The following WDR11 variants were observed in gnomAD, a reference collection of about 807,000 sequenced individuals.
WDR11 encodes WD repeat-containing protein 11.
WDR11 carries 83 observed loss-of-function variants against 151.2 expected under a neutral mutation model. That is an observed-to-expected ratio of 0.55 (90% CI 0.46 to 0.66). The LOEUF is 0.66. Ranked by LOEUF, WDR11 falls within the 30% of genes least tolerant of loss-of-function variation. The probability of loss-of-function intolerance (pLI) is 0.00; values close to 1 mark genes in which losing one functional copy is unlikely to be tolerated. For missense variants in WDR11, 1,301 were observed against 1,480.9 expected, an observed-to-expected ratio of 0.88 and a Z score of 1.99; for synonymous variants, 484 against 533.1, an observed-to-expected ratio of 0.91 and a Z score of 1.27.
At chr10:120,854,704 G>A (rs1334540714) in intron 2 of WDR11, among the ~76,000 whole-genome samples, 3 of 152,152 alleles carry the variant, frequency 2.0e-5, no homozygotes, top group African/African-American at 4.8e-5. Flanking sequence ...GGTATGAATT[G>A]ATTCTCATTG....
At chr10:120,885,286 TACACACAC>T (rs5788451) in intron 14 of WDR11, among the ~76,000 whole-genome samples, 2 of 147,352 alleles carry the variant, frequency 1.4e-5, no homozygotes, top group African/African-American at 2.5e-5. Context: ...TATATATATA[TACACACAC>T]ACACACACAC....
intron 18 of WDR11, 61 bp from the exon 19 acceptor site, chr10:120,890,655 T>A: frequency 6.2e-7 from 1 of 1,601,906 alleles, no homozygotes; most frequent in African/African-American, 1.3e-5. Flanking sequence ...GACCATTTAA[T>A]CTAGAATAAT....
At chr10:120,906,137 C>T in intron 27 of WDR11, 116 bp downstream of exon 27, 1 of 1,581,592 alleles carries the variant, frequency 6.3e-7, no homozygotes, top group Non-Finnish European at 8.6e-7. Flanking sequence ...GAGAAGTATA[C>T]ATTTCAGGTT....
At chr10:120,876,483 G>A (rs1055845110) in intron 11 of WDR11, among the ~76,000 whole-genome samples, 1 of 152,320 alleles carries the variant, frequency 6.6e-6, no homozygotes, top group East Asian at 1.9e-4. Context: ...CTTTTGAGGT[G>A]CAGTGACACA....
chr10:120,901,211 C>G, intron 21 of WDR11, 113 bp downstream of exon 21: 1 of 925,194 alleles, frequency 1.1e-6, no homozygotes, highest in Non-Finnish European at 1.7e-6. Flanking sequence ...TATTAGTGGC[C>G]CAAGAAGAGA....
chr10:120,888,498 ATTCT>A (rs1472332137), intron 16 of WDR11, among the ~76,000 whole-genome samples: 1 of 152,206 alleles, frequency 6.6e-6, no homozygotes, highest in Non-Finnish European at 1.5e-5. Context: ...GCAGCATTTC[ATTCT>A]TATGTTGTGC....
At chr10:120,886,418 T>G (rs572083527) in intron 15 of WDR11, among the ~76,000 whole-genome samples, 1 of 152,198 alleles carries the variant, frequency 6.6e-6, no homozygotes, top group Non-Finnish European at 1.5e-5. Context: ...CACAGTTCTA[T>G]AGCCAAAATC....
intron 16 of WDR11, among the ~76,000 whole-genome samples, chr10:120,887,753 A>G (rs1016162081): frequency 2.0e-5 from 3 of 152,236 alleles, no homozygotes; most frequent in African/African-American, 7.2e-5. Flanking sequence ...CGACATGACA[A>G]CTGGCCTCCC....
Position 120,881,566 on chromosome 10 carries a change from A to G in WDR11, c.1739+665A>G, listed in dbSNP as rs866420346. Among the ~76,000 whole-genome samples the G allele has an allele frequency of 2.0e-5, 3 of 151,966 alleles. No individual in the cohort carries two copies. The South Asian group carries it at 6.2e-4, about 32-fold the overall frequency. On this transcript the variant is annotated intron_variant, in intron 13 of 28. Coordinates refer to ENST00000263461, the MANE Select transcript of WDR11 (RefSeq NM_018117.12). Reference sequence around the variant, plus strand: ...TTAGGTCTTTTAAAATTTCAGCAATATTTTGTAGTTTTCAGTGTGTAAGTC... The same window carrying G: ...TTAGGTCTTTTAAAATTTCAGCAATGTTTTGTAGTTTTCAGTGTGTAAGTC...
rs182905875 is a variant in WDR11, at chr10:120,874,558, C to G, written c.1556+635C>G. ...TATTTGTCCTGATGCTCTCCCTCCC[C>G]TCACATGCCCCCGCCAACAGGCCCT... On this transcript the variant is annotated intron_variant, in intron 11 of 28. Transcript: ENST00000263461. 7.6e-3 allele frequency among the ~76,000 whole-genome samples: 1,148 copies of G among 151,750 alleles called. 12 individuals carry two copies. Among genetic ancestry groups the G allele is most frequent in the African/African-American group, 0.026 (1,077 of 41,370 alleles).
At chr10:120,864,805 ACTT>A (rs1360472611) in intron 5 of WDR11, among the ~76,000 whole-genome samples, 2 of 152,180 alleles carry the variant, frequency 1.3e-5, no homozygotes, top group African/African-American at 4.8e-5. Context: ...ATATTCTACT[ACTT>A]AATATTTCAA....
chr10:120,894,323 A>G (rs141789145), intron 19 of WDR11, among the ~76,000 whole-genome samples: 2 of 152,320 alleles, frequency 1.3e-5, no homozygotes, highest in Non-Finnish European at 2.9e-5. Flanking sequence ...GCTTTCTGAA[A>G]TCAGATTTCT....
At chr10:120,899,985 A>G (rs1187635475) in intron 19 of WDR11, 44 bp from the exon 20 acceptor site, 13 of 1,531,606 alleles carry the variant, frequency 8.5e-6, no homozygotes, top group Non-Finnish European at 1.2e-5. Context: ...TCACTGTAGT[A>G]TAAAACTTCA....
intron 2 of WDR11, among the ~76,000 whole-genome samples, chr10:120,857,721 C>T (rs531765737): frequency 1.5e-4 from 23 of 152,174 alleles, no homozygotes; most frequent in African/African-American, 5.5e-4. Flanking sequence ...TATATCTGTA[C>T]ACATATATAG....
intron 14 of WDR11, 70 bp downstream of exon 14, chr10:120,883,958 C>T: frequency 7.5e-7 from 1 of 1,338,842 alleles, no homozygotes. Flanking sequence ...TTTGCTTAAG[C>T]TTGAATCAAA....
intron 10 of WDR11, 68 bp downstream of exon 10, chr10:120,871,414 A>T (rs1423337417): frequency 6.7e-7 from 1 of 1,483,604 alleles, no homozygotes; most frequent in African/African-American, 1.4e-5. Context: ...TCTAGTTTCT[A>T]GAAGATCCTT....
At chr10:120,853,121 G>A (rs1026677195) in intron 2 of WDR11, among the ~76,000 whole-genome samples, 12 of 152,166 alleles carry the variant, frequency 7.9e-5, no homozygotes, top group Non-Finnish European at 1.6e-4. Context: ...AAGGAGCATT[G>A]CAGGGAAAAG....
chr10:120,862,329 G>A (rs1053382579), intron 4 of WDR11: 6 of 173,366 alleles, frequency 3.5e-5, no homozygotes, highest in Non-Finnish European at 7.3e-5. Context: ...TGGTAGAGAC[G>A]GGGTTTCACC....
chr10:120,889,067 T>C lies in WDR11; in HGVS notation c.2122-11T>C, dbSNP rs1233164348. 3 of 1,581,656 alleles carry C rather than the reference T, an allele frequency of 1.9e-6. No homozygotes were observed. In the African/African-American group the frequency reaches 4.0e-5, roughly 21 times the overall value. On this transcript the variant is annotated splice_polypyrimidine_tract_variant and intron_variant, in intron 16 of 28. Coordinates refer to ENST00000263461, the MANE Select transcript of WDR11 (RefSeq NM_018117.12). ...TGAAATTTATATTTGTTTGTTGCTG[T>C]TGTTTTCTAGGGAAGTATGGGTAGT...
Sources: gnomAD v4.1 joint callset for allele counts (sites outside exome capture counted in the v4.1 genomes callset) on GRCh38, gnomAD v4.1.1 for gene constraint, MANE v1.5 for transcripts, NCBI Gene and HGNC (gene_info 2026-07-23, HGNC 2026-07-21) for gene names.